The following THEM6 variants were observed in gnomAD, a reference collection of about 807,000 sequenced individuals.
THEM6 encodes the protein protein THEM6.
Under a neutral mutation model 13.7 loss-of-function variants are expected in THEM6, and 10 were observed. That is an observed-to-expected ratio of 0.73 (90% confidence interval 0.45 to 1.24). The LOEUF (loss-of-function observed/expected upper bound fraction) is 1.24. Ranked by LOEUF, THEM6 falls within the 50% of genes most tolerant of loss-of-function variation. The pLI is 0.00. For missense variants in THEM6, 317 were observed against 312.6 expected (o/e 1.01, Z -0.11); for synonymous variants, 161 against 156.0 (o/e 1.03, Z -0.24).
chr8:142,733,818 G>A (rs1050648860), intron 1 of THEM6, among the ~76,000 whole-genome samples: 1 of 152,184 alleles, frequency 6.6e-6, no homozygotes, highest in African/African-American at 2.4e-5. Context: ...TACATCTCAG[G>A]GAGGCACAAT....
At chr8:142,730,611 T>TA (rs1446921374) in intron 1 of THEM6, among the ~76,000 whole-genome samples, 1 of 152,220 alleles carries the variant, frequency 6.6e-6, no homozygotes, top group Non-Finnish European at 1.5e-5. Flanking sequence ...CCTTGTGACT[T>TA]ACCTGGCCAC....
In THEM6 at chr8:142,727,704, C is replaced by A. The variant is rs1333945706; in HGVS notation, c.358C>A (p.Arg120Ser). 1 of 1,433,106 alleles carries A rather than the reference C, an allele frequency of 7.0e-7. No individual in the cohort carries two copies. Among genetic ancestry groups the A allele is most frequent in the African/African-American group, 1.5e-5 (1 of 66,846 alleles). The allele number at this position is 1,433,106 out of a possible 1,614,324, so 88.8% of individuals were successfully genotyped here. ...SLRLLEPFEV[R>S]TRLLGWDDRA... is the part of the protein sequence containing the mutation. ...GCGCCTGCTGGAGCCCTTCGAGGTG[C>A]GCACCCGCCTGCTGGGCTGGGACGA... Residue 120 changes from arginine to serine, a missense_variant, in exon 1 of 2, where the codon CGC becomes AGC. Coordinates refer to ENST00000336138, the MANE Select transcript of THEM6 (RefSeq NM_016647.3).
In THEM6 at chr8:142,735,605, C is replaced by T; in HGVS notation, c.*166C>T. ...CCCCAGTTATTGATACCCCTCTGTG[C>T]TGGGCTCCACGCTAGGCAGAAGGAG... On this transcript the variant is annotated 3_prime_UTR_variant, in exon 2 of 2. Transcript: ENST00000336138. 1.6e-6 allele frequency: 1 copy of T among 612,576 alleles called. No homozygotes were observed. The highest frequency in any genetic ancestry group is 1.9e-5 in the South Asian group (1 of 53,378). 37.9% of individuals were successfully genotyped at this position (612,576 alleles called of 1,614,324 possible).
intron 1 of THEM6, among the ~76,000 whole-genome samples, chr8:142,728,960 G>C (rs142022177): frequency 5.6e-5 from 5 of 89,900 alleles, no homozygotes; most frequent in Non-Finnish European, 1.1e-4. Context: ...TTTTTTTTCA[G>C]ACGGATTCTC....
chr8:142,731,733 G>A (rs1443564480), intron 1 of THEM6, among the ~76,000 whole-genome samples: 4 of 152,086 alleles, frequency 2.6e-5, no homozygotes, highest in Admixed American at 1.3e-4. Flanking sequence ...CAGCAGGGCC[G>A]GGCAATGGCA....
intron 1 of THEM6, among the ~76,000 whole-genome samples, chr8:142,733,136 G>A (rs10087426): frequency 0.33 from 49,669 of 152,014 alleles, 8,577 homozygotes; most frequent in Admixed American, 0.4. Context: ...GGCTAGCAAC[G>A]TACAACTTTT....
chr8:142,727,465 G>C lies in THEM6; in HGVS notation c.119G>C (p.Arg40Pro), dbSNP rs782816812. ...AVLRARLLQP[R>P]VRDLLAEQRF... ...CTGCGCGCGCGCCTGCTGCAGCCGC[G>C]CGTCCGTGACCTGCTAGCTGAGCAG... The change falls in exon 1 of 2, where the codon CGC becomes CCC. Residue 40 changes from arginine to proline, a missense_variant. Transcript: ENST00000336138. 65 of 1,568,506 alleles carry C rather than the reference G, an allele frequency of 4.1e-5. No individual in the cohort carries two copies. Among genetic ancestry groups the C allele is most frequent in the Non-Finnish European group, 5.4e-5 (63 of 1,165,284 alleles).
At chr8:142,732,913 G>A (rs943247286) in intron 1 of THEM6, among the ~76,000 whole-genome samples, 1 of 152,120 alleles carries the variant, frequency 6.6e-6, no homozygotes, top group African/African-American at 2.4e-5. Flanking sequence ...GTTCCCCGGT[G>A]CCGTAAAGAA....
chr8:142,730,868 C>T (rs2129993884), intron 1 of THEM6, among the ~76,000 whole-genome samples: 1 of 152,158 alleles, frequency 6.6e-6, no homozygotes, highest in Middle Eastern at 3.4e-3. Context: ...CCTCAGCCTC[C>T]TGAGTAGCTG....
chr8:142,727,596 C>T lies in THEM6; in HGVS notation c.250C>T (p.Arg84Cys), dbSNP rs1554642484. Residue 84 changes from arginine (R) to cysteine (C), a missense_variant, in exon 1 of 2, where the codon CGC becomes TGC. Arg to Cys is a radical substitution (Grantham distance 180). Transcript: ENST00000336138. ...ADFARVAHLTRCGVLGALREL... is the reference protein window; with the variant it reads ...ADFARVAHLTCCGVLGALREL... Reference sequence around the variant, plus strand: ...CTTTGCGCGCGTCGCGCACCTGACCCGCTGCGGGGTGCTCGGGGCGCTGAG... The same window carrying T: ...CTTTGCGCGCGTCGCGCACCTGACCTGCTGCGGGGTGCTCGGGGCGCTGAG... The T allele has an allele frequency of 1.3e-6, 2 of 1,515,588 alleles. No individual in the cohort carries two copies. Among genetic ancestry groups the T allele is most frequent in the Admixed American group, 4.1e-5 (2 of 49,334 alleles). The allele number at this position is 1,515,588 out of a possible 1,614,324, so 93.9% of individuals were successfully genotyped here. A position where few individuals can be genotyped will look rare whatever the true frequency, so the allele number is the denominator to read the frequency against.
At chr8:142,728,820 G>A (rs1554642687) in intron 1 of THEM6, among the ~76,000 whole-genome samples, 1 of 152,066 alleles carries the variant, frequency 6.6e-6, no homozygotes, top group Non-Finnish European at 1.5e-5. Flanking sequence ...GGAGGAACGC[G>A]TCCACCCTAG....
Position 142,727,610 on chromosome 8 carries a change from C to T in THEM6, c.264C>T (p.Leu88=), listed in dbSNP as rs782751467. 7.4e-5 allele frequency: 111 copies of T among 1,504,056 alleles called. No individual in the cohort carries two copies. Among genetic ancestry groups the T allele is most frequent in the Non-Finnish European group, 8.5e-5 (96 of 1,134,174 alleles). The allele number at this position is 1,504,056 out of a possible 1,614,324, so 93.2% of individuals were successfully genotyped here. A position where few individuals can be genotyped will look rare whatever the true frequency, so the allele number is the denominator to read the frequency against. ...CGCACCTGACCCGCTGCGGGGTGCT[C>T]GGGGCGCTGAGGGAGTTGCGGGCGC... ...RVAHLTRCGV[L]GALRELRAHT... is the part of the protein sequence containing the mutation. Residue 88 remains leucine (L), a synonymous_variant, in exon 1 of 2, where the codon CTC becomes CTT. Coordinates refer to ENST00000336138, the MANE Select transcript of THEM6 (RefSeq NM_016647.3).
chr8:142,731,358 T>A (rs782465038), intron 1 of THEM6, among the ~76,000 whole-genome samples: 1 of 152,216 alleles, frequency 6.6e-6, no homozygotes, highest in Non-Finnish European at 1.5e-5. Flanking sequence ...CTCCTTATAA[T>A]CCTGTTATTA....
chr8:142,735,074 C>G (rs1815728710), intron 1 of THEM6: 1 of 481,106 alleles, frequency 2.1e-6, no homozygotes. Flanking sequence ...CCCAACCTGC[C>G]AACTTCACGG....
Position 142,727,413 on chromosome 8 carries a change from T to G in THEM6, c.67T>G (p.Tyr23Asp). The change falls in exon 1 of 2, where the codon TAC (tyrosine) becomes GAC (aspartate). Residue 23 changes from tyrosine (Y) to aspartate (D), a missense_variant. Physicochemically the swap from Tyr to Asp is radical, Grantham distance 160. Transcript: ENST00000336138. ...LAVFALLDVW[Y>D]LVRLPCAVLR... ...TGTCTTTGCGCTGCTGGACGTCTGG[T>G]ACCTGGTGCGCCTTCCGTGCGCCGT... is the stretch of plus-strand genomic sequence containing the variant. The G allele has an allele frequency of 6.5e-7, 1 of 1,536,376 alleles. No individual in the cohort carries two copies. Among genetic ancestry groups the G allele is most frequent in the Non-Finnish European group, 8.7e-7 (1 of 1,148,056 alleles).
intron 1 of THEM6, among the ~76,000 whole-genome samples, chr8:142,732,283 T>C (rs1332891587): frequency 2.0e-5 from 3 of 146,934 alleles, no homozygotes. Flanking sequence ...ACCAGGGGTG[T>C]CTTGCCTTGC....
At chr8:142,735,219 C>CG in intron 1 of THEM6, 107 bp from the exon 2 acceptor site, 1 of 805,328 alleles carries the variant, frequency 1.2e-6, no homozygotes. Flanking sequence ...TGGCAGGCGG[C>CG]GGGGCAGGGG....
In THEM6 at chr8:142,727,437, G is replaced by A; in HGVS notation, c.91G>A (p.Val31Met). Reference sequence around the variant, plus strand: ...GTACCTGGTGCGCCTTCCGTGCGCCGTGCTGCGCGCGCGCCTGCTGCAGCC... The same window carrying A: ...GTACCTGGTGCGCCTTCCGTGCGCCATGCTGCGCGCGCGCCTGCTGCAGCC... ...VWYLVRLPCAVLRARLLQPRV... is the reference protein window; with the variant it reads ...VWYLVRLPCAMLRARLLQPRV... Residue 31 changes from valine (V) to methionine (M), a missense_variant, in exon 1 of 2, where the codon GTG becomes ATG. Coordinates refer to ENST00000336138, the MANE Select transcript of THEM6 (RefSeq NM_016647.3). 6.4e-7 allele frequency: 1 copy of A among 1,551,244 alleles called. No individual in the cohort carries two copies. Among genetic ancestry groups the A allele is most frequent in the Admixed American group, 1.8e-5 (1 of 54,404 alleles).
At chr8:142,734,828 GC>G (rs1181542977) in intron 1 of THEM6, 1 of 160,624 alleles carries the variant, frequency 6.2e-6, no homozygotes, top group Non-Finnish European at 1.4e-5. Context: ...CTCAGGAGTG[GC>G]CTGGAGCCTG....
Sources: allele counts gnomAD v4.1 joint callset (sites outside exome capture counted in the v4.1 genomes callset), GRCh38; gene constraint gnomAD v4.1.1; transcripts MANE v1.5; gene names NCBI Gene and HGNC (gene_info 2026-07-23, HGNC 2026-07-21).